The following ADAM28 variants were observed in gnomAD, a reference collection of about 807,000 sequenced individuals.
The protein encoded by ADAM28 is ADAM metallopeptidase domain 28.
In ADAM28, 105 loss-of-function variants were observed where a neutral mutation model predicts 101.2. That is an observed-to-expected ratio of 1.04 (90% CI 0.89 to 1.22). The LOEUF (loss-of-function observed/expected upper bound fraction) is 1.22, where lower values mean the gene tolerates loss of function less well. Among genes scored for constraint, ADAM28 ranks in the 50% most tolerant of loss-of-function variants. The probability of loss-of-function intolerance (pLI) is 0.00; values close to 1 mark genes in which losing one functional copy is unlikely to be tolerated. For missense variants in ADAM28, 1,028 were observed against 945.4 expected (o/e 1.09, Z -1.15); for synonymous variants, 322 against 310.6 (o/e 1.04, Z -0.39).
chr8:24,309,271 T>C (rs1810113618), intron 2 of ADAM28, among the ~76,000 whole-genome samples: 1 of 152,204 alleles, frequency 6.6e-6, no homozygotes, highest in African/African-American at 2.4e-5. Context: ...CATTACAGTA[T>C]ACATTCCTGT....
Position 24,357,133 on chromosome 8 carries a change from A to G in ADAM28, c.*2729A>G, listed in dbSNP as rs1816737566. 6.6e-6 allele frequency: 1 copy of G among 152,144 alleles called. No individual in the cohort carries two copies. Among genetic ancestry groups the G allele is most frequent in the Non-Finnish European group, 1.5e-5 (1 of 68,026 alleles). The allele number at this position is 152,144 out of a possible 1,614,324, so 9.4% of individuals were successfully genotyped here. A position where few individuals can be genotyped will look rare whatever the true frequency, so the allele number is the denominator to read the frequency against. On this transcript the variant is annotated 3_prime_UTR_variant, in exon 23 of 23. Coordinates refer to ENST00000265769, the MANE Select transcript of ADAM28 (RefSeq NM_014265.6). ...AACCACTGAATAAGCTTGGAATTTT[A>G]GATTCCTTCCCAGCTGAATCTTGAC...
At position 24,343,488 on chromosome 8, in the gene ADAM28, G is replaced by A; in HGVS notation, c.1912-18G>A. 1 of 1,612,966 alleles carries A rather than the reference G, an allele frequency of 6.2e-7. No homozygotes were observed. Among genetic ancestry groups the A allele is most frequent in the Non-Finnish European group, 8.5e-7 (1 of 1,179,232 alleles). On this transcript the variant is annotated intron_variant, in intron 17 of 22. Transcript: ENST00000265769. ...GGTCAGCCTAGCGGGGACAGTAACAGGATCATTGCTCCCCTAGGTGTGTGA... is the reference window on the plus strand; with the variant it reads ...GGTCAGCCTAGCGGGGACAGTAACAAGATCATTGCTCCCCTAGGTGTGTGA...
intron 2 of ADAM28, among the ~76,000 whole-genome samples, chr8:24,303,782 T>A (rs1809161448): frequency 6.6e-6 from 1 of 152,208 alleles, no homozygotes; most frequent in African/African-American, 2.4e-5. Context: ...GAACATGGAA[T>A]GTTTTTCCAT....
At chr8:24,335,901 A>G (rs1028816053) in intron 14 of ADAM28, 19 of 1,161,292 alleles carry the variant, frequency 1.6e-5, no homozygotes, top group East Asian at 3.5e-5. Context: ...CAGCATCAGT[A>G]TATCCCATGC....
chr8:24,314,693 A>T (rs1810921402), intron 6 of ADAM28, among the ~76,000 whole-genome samples: 1 of 151,992 alleles, frequency 6.6e-6, no homozygotes, highest in African/African-American at 2.4e-5. Context: ...TAGATCACAT[A>T]TATCTCTAGT....
intron 18 of ADAM28, among the ~76,000 whole-genome samples, chr8:24,345,880 T>C (rs952834448): frequency 6.6e-6 from 1 of 152,108 alleles, no homozygotes; most frequent in African/African-American, 2.4e-5. Context: ...TCAAAATACA[T>C]ACAGTGGAAG....
chr8:24,329,899 G>A lies in ADAM28; in HGVS notation c.973-86G>A. On this transcript the variant is annotated intron_variant, in intron 10 of 22. Transcript: ENST00000265769. Reference sequence around the variant, plus strand: ...TGTGTGTGTGTGTGAGAGAGAGAGAGAGAGAGAGAGAGAGAGATGGCAAGT... The same window carrying A: ...TGTGTGTGTGTGTGAGAGAGAGAGAAAGAGAGAGAGAGAGAGATGGCAAGT... 3.0e-6 allele frequency: 4 copies of A among 1,323,144 alleles called. No individual in the cohort carries two copies. In the Admixed American group the frequency reaches 5.7e-5, roughly 19 times the overall value. The allele number at this position is 1,323,144 out of a possible 1,614,324, so 82.0% of individuals were successfully genotyped here. A position where few individuals can be genotyped will look rare whatever the true frequency, so the allele number is the denominator to read the frequency against.
In ADAM28 at chr8:24,352,037, GC is replaced by G. The variant is rs1563332612; in HGVS notation, c.2234del (p.Pro745GlnfsTer78). 1.9e-6 allele frequency: 3 copies of G among 1,613,688 alleles called. No homozygotes were observed. Among genetic ancestry groups the G allele is most frequent in the Non-Finnish European group, 2.5e-6 (3 of 1,179,730 alleles). ...ATGATCTGCCAGTAGAAGGCAATGA[GC>G]CCCCAGCCTCTTTTGTGAGTTAGCA... ...VYDLPVEGNE[P>X]PASFHKDTNA... On this transcript the variant is annotated frameshift_variant, in exon 21 of 23. Transcript: ENST00000265769. LOFTEE classifies it high-confidence loss of function.
chr8:24,320,138 A>G (rs1585601600), intron 6 of ADAM28, 98 bp from the exon 7 acceptor site: 1 of 850,528 alleles, frequency 1.2e-6, no homozygotes, highest in South Asian at 1.5e-5. Flanking sequence ...TTTACTCCAG[A>G]TATCAACCAA....
chr8:24,298,545 A>C (rs1808286094), intron 1 of ADAM28, among the ~76,000 whole-genome samples: 1 of 152,180 alleles, frequency 6.6e-6, no homozygotes. Flanking sequence ...AATAATACTT[A>C]TTAAGTGCCT....
Position 24,335,641 on chromosome 8 carries a change from G to A in ADAM28, c.1567G>A (p.Gly523Arg). 1 of 1,597,022 alleles carries A rather than the reference G, an allele frequency of 6.3e-7. No homozygotes were observed. The highest frequency in any genetic ancestry group is 8.5e-7 in the Non-Finnish European group (1 of 1,172,316). Residue 523 changes from glycine to arginine, a missense_variant and splice_region_variant, in exon 14 of 23, where the codon GGA becomes AGA. Gly to Arg is a moderately radical substitution (Grantham distance 125). Coordinates refer to ENST00000265769, the MANE Select transcript of ADAM28 (RefSeq NM_014265.6). ...GCAGTGCACAGAGCTGTGGGGACCA[G>A]GTAGGAGGACAAATCCTTTCCCCTG... ...QEQCTELWGP[G>R]TEVADKSCYN... is the part of the protein sequence containing the mutation.
chr8:24,313,612 T>C, intron 6 of ADAM28, 32 bp downstream of exon 6: 2 of 1,599,078 alleles, frequency 1.3e-6, no homozygotes, highest in Non-Finnish European at 1.7e-6. Flanking sequence ...TGAAATGCTC[T>C]CATGTATTCT....
At chr8:24,312,054 AGCTCTCACTC>A (rs1292665945) in intron 5 of ADAM28, among the ~76,000 whole-genome samples, 1 of 151,996 alleles carries the variant, frequency 6.6e-6, no homozygotes, top group Non-Finnish European at 1.5e-5. Context: ...CCCCACTTTA[AGCTCTCACTC>A]GCTCTCTCTC....
chr8:24,334,764 C>A (rs1300719936), intron 13 of ADAM28, among the ~76,000 whole-genome samples: 1 of 152,152 alleles, frequency 6.6e-6, no homozygotes, highest in Non-Finnish European at 1.5e-5. Flanking sequence ...AACAAACAAA[C>A]AAACATACTT....
At position 24,341,736 on chromosome 8, in the gene ADAM28, A is replaced by G; in HGVS notation, c.1809A>G (p.Gly603=). The G allele has an allele frequency of 1.2e-6, 2 of 1,613,748 alleles. No homozygotes were observed. Among genetic ancestry groups the G allele is most frequent in the South Asian group, 2.2e-5 (2 of 91,024 alleles). Residue 603 remains glycine, a synonymous_variant, in exon 16 of 23, where the codon GGA becomes GGG. Transcript: ENST00000265769. ...TSQEIGMVAN[G]TKCGDNKVCI... ...AAGAAATAGGCATGGTGGCCAATGG[A>G]ACTAAGTGTGGCGATAACAAGGTAA...
At chr8:24,347,735 T>G (rs1380937751) in intron 18 of ADAM28, among the ~76,000 whole-genome samples, 1 of 152,120 alleles carries the variant, frequency 6.6e-6, no homozygotes, top group Non-Finnish European at 1.5e-5. Context: ...TCTTCCAAAT[T>G]AATGAACAGT....
chr8:24,313,514 G>C lies in ADAM28; in HGVS notation c.510G>C (p.Gly170=). ...PDEKNYDSTC[G]MDGVLWAHDL... ...AAAAGAATTATGACAGCACCTGTGG[G>C]ATGGATGGTGTGTTGTGGGCCCACG... The change falls in exon 6 of 23, where the codon GGG becomes GGC. Residue 170 remains glycine, a synonymous_variant. Coordinates refer to ENST00000265769, the MANE Select transcript of ADAM28 (RefSeq NM_014265.6). The C allele has an allele frequency of 6.2e-7, 1 of 1,613,902 alleles. No homozygotes were observed. The highest frequency in any genetic ancestry group is 8.5e-7 in the Non-Finnish European group (1 of 1,179,866).
chr8:24,313,354 T>C (rs1434983000), intron 5 of ADAM28, 34 bp from the exon 6 acceptor site: 2 of 1,566,776 alleles, frequency 1.3e-6, no homozygotes, highest in Admixed American at 1.9e-5. Flanking sequence ...GCAACAATAT[T>C]TGTTAAGAAG....
In ADAM28 at chr8:24,323,972, A is replaced by G; in HGVS notation, c.859A>G (p.Arg287Gly). ...ATGGAGGGGGAGTGTTCTCTCAAGA[A>G]GAAAGCGTCATGATATTGCTCAGTT... is the stretch of plus-strand genomic sequence containing the variant. ...SKWRGSVLSRRKRHDIAQLIT... is the reference protein window; with the variant it reads ...SKWRGSVLSRGKRHDIAQLIT... The change falls in exon 9 of 23, where the codon AGA becomes GGA. Residue 287 changes from arginine to glycine, a missense_variant. Transcript: ENST00000265769. 1 of 1,612,064 alleles carries G rather than the reference A, an allele frequency of 6.2e-7. No homozygotes were observed. Among genetic ancestry groups the G allele is most frequent in the Non-Finnish European group, 8.5e-7 (1 of 1,178,716 alleles).
Sources: allele counts gnomAD v4.1 joint callset (sites outside exome capture counted in the v4.1 genomes callset), GRCh38; gene constraint gnomAD v4.1.1; transcripts MANE v1.5; gene names NCBI Gene and HGNC (gene_info 2026-07-23, HGNC 2026-07-21).